Variants in BTAF1 observed in about 807,000 individuals in gnomAD.
The protein encoded by BTAF1 is TATA-binding protein-associated factor 172.
Under a neutral mutation model 227.1 loss-of-function variants are expected in BTAF1, and 38 were observed. That is an observed-to-expected ratio of 0.17 (90% CI 0.13 to 0.22). The LOEUF (loss-of-function observed/expected upper bound fraction) is 0.22, where lower values mean the gene tolerates loss of function less well. Ranked by LOEUF, BTAF1 falls within the 10% of genes least tolerant of loss-of-function variation. The pLI, the probability that BTAF1 is intolerant of heterozygous loss-of-function variation, is 1.00. For synonymous variants in BTAF1, 742 were observed against 751.9 expected, an observed-to-expected ratio of 0.99 and a Z score of 0.21; for missense variants, 1,598 against 2,204.0, an observed-to-expected ratio of 0.73 and a Z score of 5.51.
Position 91,959,876 on chromosome 10 carries a change from A to G in BTAF1, c.1082A>G (p.Asp361Gly). Residue 361 changes from aspartate to glycine, a missense_variant, in exon 10 of 38, where the codon GAT (aspartate) becomes GGT (glycine). By Grantham distance (94) the Asp-to-Gly change is moderately conservative (BLOSUM62 -1). Transcript: ENST00000265990. ...GACAGATTTGGAGACTTTGTTTCTG[A>G]TGAAGTAAGTATCATTTAAGGGAGG... is the stretch of plus-strand genomic sequence containing the variant. Reference protein sequence around the residue: ...ALDRFGDFVSDEVVAPVRETC... With the variant: ...ALDRFGDFVSGEVVAPVRETC... 5 of 1,606,130 alleles carry G rather than the reference A, an allele frequency of 3.1e-6. No homozygotes were observed. Among genetic ancestry groups the G allele is most frequent in the South Asian group, 1.1e-5 (1 of 88,840 alleles).
Position 91,957,287 on chromosome 10 carries a change from C to T in BTAF1, c.894C>T (p.Ser298=), listed in dbSNP as rs902255570. ...EELCNDLFNP[S]WEVRHGAGTG... is the part of the protein sequence containing the mutation. ...TTTGCAATGACCTTTTTAATCCCTC[C>T]TGGGAGGTAAGATTTCTTCATTACA... The change falls in exon 8 of 38, where the codon TCC becomes TCT. Residue 298 remains serine (S), a synonymous_variant. Coordinates refer to ENST00000265990, the MANE Select transcript of BTAF1 (RefSeq NM_003972.3). 3 of 1,609,396 alleles carry T rather than the reference C, an allele frequency of 1.9e-6. No individual in the cohort carries two copies. In the African/African-American group the frequency reaches 4.0e-5, roughly 22 times the overall value.
At chr10:91,961,421 A>C (rs1394995736) in intron 11 of BTAF1, among the ~76,000 whole-genome samples, 1 of 150,414 alleles carries the variant, frequency 6.6e-6, no homozygotes, top group Non-Finnish European at 1.5e-5. Flanking sequence ...AAGCAAGCTC[A>C]AAGGCCTTTT....
intron 2 of BTAF1, among the ~76,000 whole-genome samples, chr10:91,938,998 G>T (rs79008877): frequency 6.9e-6 from 1 of 144,898 alleles, no homozygotes; most frequent in Non-Finnish European, 1.5e-5. Context: ...AAGGGGGGGG[G>T]GATTTTGATA....
At chr10:92,001,366 T>C (rs998792551) in intron 25 of BTAF1, among the ~76,000 whole-genome samples, 6 of 152,184 alleles carry the variant, frequency 3.9e-5, no homozygotes, top group Non-Finnish European at 7.3e-5. Flanking sequence ...TCTTTGAGAC[T>C]GGGGAAAGAG....
chr10:91,998,651 G>A (rs1157331907), intron 25 of BTAF1, among the ~76,000 whole-genome samples: 1 of 152,164 alleles, frequency 6.6e-6, no homozygotes, highest in Non-Finnish European at 1.5e-5. Flanking sequence ...ACATGTATAA[G>A]TACTTCCTTT....
rs765621237 is a variant in BTAF1 at position 91,982,624 on chromosome 10, G to A, written c.2086G>A (p.Gly696Ser). The change falls in exon 18 of 38, where the codon GGT becomes AGT. Residue 696 changes from glycine (G) to serine (S), a missense_variant. Gly to Ser is a moderately conservative substitution (Grantham distance 56). Coordinates refer to ENST00000265990, the MANE Select transcript of BTAF1 (RefSeq NM_003972.3). Reference protein sequence around the residue: ...GALCCCICDPGVNVVTQEIKP... With the variant: ...GALCCCICDPSVNVVTQEIKP... ...ACTTTGTTGCTGTATTTGTGATCCA[G>A]GTGTAAATGTGGTAACTCAAGAAAT... The A allele has an allele frequency of 1.2e-6, 2 of 1,613,796 alleles. No homozygotes were observed.
chr10:91,993,437 T>C (rs1848936122), intron 21 of BTAF1, among the ~76,000 whole-genome samples: 7 of 152,156 alleles, frequency 4.6e-5, no homozygotes, highest in Admixed American at 4.6e-4. Flanking sequence ...ACAGCACATA[T>C]CCGTCTGTTC....
chr10:91,963,144 G>C (rs1441353921), intron 12 of BTAF1, among the ~76,000 whole-genome samples: 1 of 151,728 alleles, frequency 6.6e-6, no homozygotes, highest in Non-Finnish European at 1.5e-5. Flanking sequence ...GTCTCACTCT[G>C]TCACCCAGGC....
intron 3 of BTAF1, among the ~76,000 whole-genome samples, chr10:91,941,250 A>G (rs1341410764): frequency 2.0e-5 from 3 of 152,182 alleles, no homozygotes; most frequent in Admixed American, 2.0e-4. Context: ...TTTTTAAAAG[A>G]CTTAATTTTT....
chr10:91,953,531 T>G (rs1226528815), intron 5 of BTAF1, among the ~76,000 whole-genome samples: 1 of 152,134 alleles, frequency 6.6e-6, no homozygotes, highest in East Asian at 1.9e-4. Context: ...TGTGTATCTG[T>G]TGGGAGTTGG....
chr10:92,029,041 C>G lies in BTAF1; in HGVS notation c.*108C>G. On this transcript the variant is annotated 3_prime_UTR_variant, in exon 38 of 38. Coordinates refer to ENST00000265990, the MANE Select transcript of BTAF1 (RefSeq NM_003972.3). ...CTTTTAACTCAATGTGTAAATAGAT[C>G]TGGAGAATATTCAGCATAATGCTGG... is the stretch of plus-strand genomic sequence containing the variant. 9.7e-7 allele frequency: 1 copy of G among 1,027,258 alleles called. No individual in the cohort carries two copies. The highest frequency in any genetic ancestry group is 2.8e-5 in the Admixed American group (1 of 35,162). 63.6% of individuals were successfully genotyped at this position (1,027,258 alleles called of 1,614,324 possible). A position where few individuals can be genotyped will look rare whatever the true frequency, so the allele number is the denominator to read the frequency against.
At chr10:92,010,604 CCTCT>C (rs947780580) in intron 28 of BTAF1, among the ~76,000 whole-genome samples, 2 of 152,130 alleles carry the variant, frequency 1.3e-5, no homozygotes, top group African/African-American at 2.4e-5. Context: ...ACAGATCTTC[CCTCT>C]CTCTCATGAA....
chr10:91,984,689 A>T (rs1024319596), intron 19 of BTAF1, among the ~76,000 whole-genome samples: 1 of 152,218 alleles, frequency 6.6e-6, no homozygotes, highest in African/African-American at 2.4e-5. Context: ...AACACTGCAG[A>T]GTATAGAAAA....
chr10:91,994,560 A>C lies in BTAF1; in HGVS notation c.3225A>C (p.Gly1075=). ...ATGGAAAATCCCTCCTGGATAAGGGAGATAGCCCTGCTCAAGAATTGGTGA... is the reference window on the plus strand; with the variant it reads ...ATGGAAAATCCCTCCTGGATAAGGGCGATAGCCCTGCTCAAGAATTGGTGA... The part of the protein sequence containing the change: ...NFDGKSLLDK[G]DSPAQELVNS... The change falls in exon 23 of 38, where the codon GGA becomes GGC. Residue 1075 remains glycine, a synonymous_variant. Transcript: ENST00000265990. The C allele has an allele frequency of 6.2e-7, 1 of 1,613,606 alleles. No homozygotes were observed. The highest frequency in any genetic ancestry group is 2.2e-5 in the East Asian group (1 of 44,864).
intron 14 of BTAF1, among the ~76,000 whole-genome samples, chr10:91,975,496 C>A (rs1350206368): frequency 1.3e-5 from 2 of 152,158 alleles, no homozygotes; most frequent in South Asian, 4.1e-4. Context: ...TAGAACAAGG[C>A]ATTATAAACT....
At chr10:91,936,970 C>T (rs1844654858) in intron 2 of BTAF1, among the ~76,000 whole-genome samples, 1 of 151,920 alleles carries the variant, frequency 6.6e-6, no homozygotes, top group Non-Finnish European at 1.5e-5. Context: ...TTCCTTTTTC[C>T]TCGGCTGTCA....
intron 2 of BTAF1, 50 bp downstream of exon 2, chr10:91,935,830 T>A: frequency 7.0e-7 from 1 of 1,435,892 alleles, no homozygotes; most frequent in Non-Finnish European, 9.4e-7. Context: ...AGAGACTTAT[T>A]CATGGATAGG....
intron 34 of BTAF1, among the ~76,000 whole-genome samples, chr10:92,019,786 AC>A (rs1268234942): frequency 6.6e-6 from 1 of 151,988 alleles, no homozygotes; most frequent in Non-Finnish European, 1.5e-5. Context: ...TGCTTATTGG[AC>A]ATTTCCATAT....
intron 18 of BTAF1, among the ~76,000 whole-genome samples, chr10:91,983,111 C>T (rs1848178380): frequency 6.6e-6 from 1 of 152,204 alleles, no homozygotes; most frequent in African/African-American, 2.4e-5. Context: ...TCAGGTATCA[C>T]TGAAAACTAC....
Sources: gnomAD v4.1 joint callset for allele counts (sites outside exome capture counted in the v4.1 genomes callset) on GRCh38, gnomAD v4.1.1 for gene constraint, MANE v1.5 for transcripts, NCBI Gene and HGNC (gene_info 2026-07-23, HGNC 2026-07-21) for gene names.